The following LRP5 variants were observed in gnomAD, a reference collection of about 807,000 sequenced individuals.
The protein encoded by LRP5 is LDL receptor related protein 5.
In LRP5, 62 loss-of-function variants were observed where a neutral mutation model predicts 154.1. That is an observed-to-expected ratio of 0.40 (90% confidence interval 0.33 to 0.50). The LOEUF (loss-of-function observed/expected upper bound fraction) is 0.50, where lower values mean the gene tolerates loss of function less well. Among genes scored for constraint, LRP5 ranks in the 20% least tolerant of loss-of-function variants. LRP5 has a pLI of 0.55. For missense variants in LRP5, 1,915 were observed against 2,336.7 expected, an observed-to-expected ratio of 0.82 and a Z score of 3.72; for synonymous variants, 966 against 1,011.5, an observed-to-expected ratio of 0.96 and a Z score of 0.85.
Position 68,363,913 on chromosome 11 carries a change from C to G in LRP5, c.853C>G (p.Gln285Glu). ...LSALYSPMDI[Q>E]VLSQERQPFF... is the part of the protein sequence containing the mutation. The stretch of plus-strand genomic sequence containing the variant: ...TGCCCTCTACTCACCCATGGACATC[C>G]AGGTGCTGAGCCAGGAGCGGCAGCC... Residue 285 changes from glutamine (Q) to glutamate (E), a missense_variant, in exon 4 of 23, where the codon CAG becomes GAG. Coordinates refer to ENST00000294304, the MANE Select transcript of LRP5 (RefSeq NM_002335.4). The G allele has an allele frequency of 6.2e-7, 1 of 1,611,216 alleles. No homozygotes were observed. Among genetic ancestry groups the G allele is most frequent in the Non-Finnish European group, 8.5e-7 (1 of 1,179,200 alleles).
chr11:68,419,408 A>ATT (rs953085841), intron 13 of LRP5, among the ~76,000 whole-genome samples: 7 of 142,936 alleles, frequency 4.9e-5, no homozygotes, highest in African/African-American at 1.6e-4. Context: ...GATTTTTTGT[A>ATT]TTTTTTTTTT....
At chr11:68,433,928 G>A in intron 18 of LRP5, 90 bp downstream of exon 18, 1 of 1,280,626 alleles carries the variant, frequency 7.8e-7, no homozygotes, top group South Asian at 1.3e-5. Context: ...CACAGGAGTA[G>A]GGGCTCTGAA....
At chr11:68,372,401 C>A (rs1476186401) in intron 5 of LRP5, among the ~76,000 whole-genome samples, 1 of 149,870 alleles carries the variant, frequency 6.7e-6, no homozygotes, top group African/African-American at 2.5e-5. Context: ...TGAGGAGGTG[C>A]AGTGTCAGGC....
At chr11:68,416,603 T>C (rs2098662696) in intron 13 of LRP5, 76 bp downstream of exon 13, 4 of 1,398,564 alleles carry the variant, frequency 2.9e-6, no homozygotes, top group Non-Finnish European at 4.0e-6. Context: ...CTGCTGCCCC[T>C]GTCCTTAGCA....
chr11:68,398,345 C>G (rs1030270140), intron 7 of LRP5, among the ~76,000 whole-genome samples: 5 of 152,240 alleles, frequency 3.3e-5, no homozygotes, highest in Non-Finnish European at 7.3e-5. Context: ...CAGCTGGCAG[C>G]CGGCGGCCGG....
Position 68,413,254 on chromosome 11 carries a change from C to G in LRP5, c.2504-435C>G. On this transcript the variant is annotated intron_variant, in intron 11 of 22. Coordinates refer to ENST00000294304, the MANE Select transcript of LRP5 (RefSeq NM_002335.4). The surrounding 1 kb of genome is among the most constrained non-coding windows in gnomAD (Gnocchi z 5.1). ...CAAAAGCCCTGGAAACTCATGTGAC[C>G]CTGCCAATGAGGGCGGCCATGTGCA... 1 of 289,102 alleles carries G rather than the reference C, an allele frequency of 3.5e-6. No homozygotes were observed. The highest frequency in any genetic ancestry group is 6.2e-5 in the South Asian group (1 of 16,164). The allele number at this position is 289,102 out of a possible 1,614,324, so 17.9% of individuals were successfully genotyped here.
chr11:68,390,181 A>G (rs1010147398), intron 7 of LRP5, 129 bp downstream of exon 7: 16 of 1,155,380 alleles, frequency 1.4e-5, no homozygotes, highest in Non-Finnish European at 1.6e-5. Context: ...AATGCTTGAG[A>G]AAATAGTTAC....
Position 68,413,930 on chromosome 11 carries a change from G to A in LRP5, c.2745G>A (p.Gln915=). The stretch of plus-strand genomic sequence containing the variant: ...TGCACAACAACGGGCAGTGTGGGCA[G>A]CTGTGCCTTGCCATCCCCGGCGGCC... The part of the protein sequence containing the change: ...DCMHNNGQCG[Q]LCLAIPGGHR... The change falls in exon 12 of 23, where the codon CAG becomes CAA. Residue 915 remains glutamine (Q), a synonymous_variant. Transcript: ENST00000294304. This position sits in a 1 kb window ranked among gnomAD's most constrained non-coding sequence, Gnocchi z 5.1. 6.2e-7 allele frequency: 1 copy of A among 1,611,482 alleles called. No individual in the cohort carries two copies. The highest frequency in any genetic ancestry group is 2.2e-5 in the East Asian group (1 of 44,884).
chr11:68,328,824 T>C (rs1211058263), intron 1 of LRP5, among the ~76,000 whole-genome samples: 3 of 152,234 alleles, frequency 2.0e-5, no homozygotes, highest in Non-Finnish European at 2.9e-5. Flanking sequence ...CTGCCTTTCT[T>C]GCATCAAATG....
chr11:68,405,853 A>C (rs1240176312), intron 8 of LRP5, among the ~76,000 whole-genome samples: 3 of 152,246 alleles, frequency 2.0e-5, no homozygotes, highest in Non-Finnish European at 4.4e-5. Flanking sequence ...AATGTCTGTG[A>C]ATCGGAGGAA....
chr11:68,381,539 C>T (rs1029243063), intron 5 of LRP5, among the ~76,000 whole-genome samples: 2 of 152,114 alleles, frequency 1.3e-5, no homozygotes, highest in African/African-American at 4.8e-5. Context: ...GAAGGGATGT[C>T]GCCCTTCTCT....
intron 1 of LRP5, among the ~76,000 whole-genome samples, chr11:68,340,889 C>G (rs1446111620): frequency 6.6e-6 from 1 of 152,138 alleles, no homozygotes; most frequent in Non-Finnish European, 1.5e-5. Context: ...TTTCTCATAA[C>G]TGCCATTCAT....
In LRP5 at chr11:68,381,888, G is replaced by A. The variant is rs1202480982; in HGVS notation, c.1016-4428G>A. 2.0e-5 allele frequency among the ~76,000 whole-genome samples: 3 copies of A among 152,190 alleles called. No homozygotes were observed. The East Asian group carries it at 5.8e-4, about 29-fold the overall frequency. On this transcript the variant is annotated intron_variant, in intron 5 of 22. Transcript: ENST00000294304. ...TCTCTACACACAGAACCTCCTGGAGGCCAGCTGTGGGCACCAGCCTTGGCA... is the reference window on the plus strand; with the variant it reads ...TCTCTACACACAGAACCTCCTGGAGACCAGCTGTGGGCACCAGCCTTGGCA...
rs2098667273 is a variant in LRP5 at position 68,423,935 on chromosome 11, G to T, written c.3236+238G>T. Among the ~76,000 whole-genome samples the T allele has an allele frequency of 6.6e-6, 1 of 152,224 alleles. No individual in the cohort carries two copies. Among genetic ancestry groups the T allele is most frequent in the African/African-American group, 2.4e-5 (1 of 41,462 alleles). On this transcript the variant is annotated intron_variant, in intron 14 of 22. Coordinates refer to ENST00000294304, the MANE Select transcript of LRP5 (RefSeq NM_002335.4). The surrounding 1 kb of genome is among the most constrained non-coding windows in gnomAD (Gnocchi z 4.7). ...GCTGAGAGGTTACAAGGCAGCGCTG[G>T]CCGACGGGAGTTGCAGTTGATAGGT...
Position 68,411,609 on chromosome 11 carries a change from C to T in LRP5, c.2492C>T (p.Ser831Phe). The change falls in exon 11 of 23, where the codon TCC becomes TTC. Residue 831 changes from serine (S) to phenylalanine (F), a missense_variant. Ser to Phe is a radical substitution (Grantham distance 155). Around this residue, in one of 3 missense-constraint regions of LRP5, gnomAD observed 1,094 missense variants for 1,210.1 expected, o/e 0.90. Coordinates refer to ENST00000294304, the MANE Select transcript of LRP5 (RefSeq NM_002335.4). ...CTGGACACCAACATGATCGAGTCGT[C>T]CAACATGCTGGGTGAGGGCCGGGCT... ...TDLDTNMIESSNMLGQERVVI... is the reference protein window; with the variant it reads ...TDLDTNMIESFNMLGQERVVI... 1 of 1,611,142 alleles carries T rather than the reference C, an allele frequency of 6.2e-7. No individual in the cohort carries two copies. Among genetic ancestry groups the T allele is most frequent in the Non-Finnish European group, 8.5e-7 (1 of 1,178,828 alleles).
chr11:68,425,152 C>T lies in LRP5; in HGVS notation c.3287C>T (p.Ala1096Val), dbSNP rs993682569. 1 of 1,613,862 alleles carries T rather than the reference C, an allele frequency of 6.2e-7. No homozygotes were observed. Among genetic ancestry groups the T allele is most frequent in the Non-Finnish European group, 8.5e-7 (1 of 1,179,978 alleles). Residue 1096 changes from alanine (A) to valine (V), a missense_variant, in exon 15 of 23, where the codon GCA (alanine) becomes GTA (valine). This residue lies in a region of LRP5 where 1,094 missense variants were observed against 1,210.1 expected (regional missense o/e 0.90). Coordinates refer to ENST00000294304, the MANE Select transcript of LRP5 (RefSeq NM_002335.4). Reference protein sequence around the residue: ...MQDRAAKIERAALDGTEREVL... With the variant: ...MQDRAAKIERVALDGTEREVL... The stretch of plus-strand genomic sequence containing the variant: ...GACCGGGCAGCCAAGATCGAACGCG[C>T]AGCCCTGGACGGCACCGAGCGCGAG...
chr11:68,445,743 AG>A, intron 21 of LRP5: 1 of 1,114,648 alleles, frequency 9.0e-7, no homozygotes, highest in South Asian at 1.3e-5. Context: ...CTCCCTTTGT[AG>A]GGCTGGTTGT....
intron 7 of LRP5, among the ~76,000 whole-genome samples, chr11:68,391,755 C>A (rs919809997): frequency 1.3e-5 from 2 of 152,258 alleles, no homozygotes; most frequent in Non-Finnish European, 2.9e-5. Flanking sequence ...TTTGCCTTCA[C>A]GCATCCCCGC....
intron 21 of LRP5, among the ~76,000 whole-genome samples, chr11:68,445,839 C>T (rs1225783374): frequency 2.0e-5 from 3 of 152,238 alleles, no homozygotes; most frequent in African/African-American, 7.2e-5. Flanking sequence ...CAGCACAGGC[C>T]CTTGTGAAGG....
Sources: gnomAD v4.1 joint callset for allele counts (sites outside exome capture counted in the v4.1 genomes callset) on GRCh38, gnomAD v4.1.1 for gene constraint, gnomAD v4.1.1 regional missense constraint, Gnocchi (gnomAD v3.1) non-coding constraint, MANE v1.5 for transcripts, NCBI Gene and HGNC (gene_info 2026-07-23, HGNC 2026-07-21) for gene names.